Variants in ATP10A observed in about 807,000 individuals in gnomAD.
ATP10A encodes the protein ATPase phospholipid transporting 10A (putative).
In ATP10A, 111 loss-of-function variants were observed where a neutral mutation model predicts 147.8. The ratio of observed to expected loss-of-function variants is 0.75; its 90% confidence interval spans 0.64 to 0.88. The LOEUF (loss-of-function observed/expected upper bound fraction) is 0.88. ATP10A is among the 40% of genes least tolerant of loss of function. The pLI, the probability that ATP10A is intolerant of heterozygous loss-of-function variation, is 0.00. For synonymous variants in ATP10A, 875 were observed against 841.6 expected (o/e 1.04, Z -0.69); for missense variants, 1,927 against 1,959.0 (o/e 0.98, Z 0.31).
intron 12 of ATP10A, 118 bp downstream of exon 12, chr15:25,707,858 G>A: frequency 7.1e-7 from 1 of 1,399,074 alleles, no homozygotes; most frequent in Non-Finnish European, 9.7e-7. Context: ...GTCCTGCCAG[G>A]TGGCTCCCTA....
Position 25,691,645 on chromosome 15 carries a change from C to G in ATP10A, c.3165+70G>C, listed in dbSNP as rs542432871. On this transcript the variant is annotated intron_variant, in intron 15 of 20. Coordinates refer to ENST00000555815, the MANE Select transcript of ATP10A (RefSeq NM_024490.4). ...AGAGCCCAGAGGAAGTCGGGGACAG[C>G]CCACAGGGTGACAGGACAAGAGGTC... 48 of 1,522,072 alleles carry G rather than the reference C, an allele frequency of 3.2e-5. 1 individual carries two copies. The South Asian group carries it at 5.4e-4, about 17-fold the overall frequency. 94.3% of individuals were successfully genotyped at this position (1,522,072 alleles called of 1,614,324 possible). A position where few individuals can be genotyped will look rare whatever the true frequency, so the allele number is the denominator to read the frequency against.
upstream of ATP10A, among the ~76,000 whole-genome samples, chr15:25,864,728 T>C (rs1304813941): frequency 6.6e-6 from 1 of 152,162 alleles, no homozygotes; most frequent in South Asian, 2.1e-4. Context: ...GAGTCAGGTC[T>C]CACAGTCAAC....
At chr15:25,831,491 A>G (rs1201358853) in intron 1 of ATP10A, among the ~76,000 whole-genome samples, 1 of 152,204 alleles carries the variant, frequency 6.6e-6, no homozygotes, top group African/African-American at 2.4e-5. Flanking sequence ...CTTTTTGTGG[A>G]GTGTAAATGA....
chr15:25,721,517 C>T (rs8043353), intron 7 of ATP10A, 140 bp downstream of exon 7: 1,231,551 of 1,235,398 alleles, frequency 1, 613,960 homozygotes, highest in East Asian at 1. Flanking sequence ...TCTTTATACT[C>T]CCTTGAAAAT....
intron 9 of ATP10A, among the ~76,000 whole-genome samples, chr15:25,715,775 A>G (rs1223031386): frequency 3.9e-5 from 6 of 152,042 alleles, no homozygotes; most frequent in Non-Finnish European, 5.9e-5. Flanking sequence ...CACCTTGTTC[A>G]CCCCACATCG....
chr15:25,696,163 C>T (rs967002528), intron 13 of ATP10A, among the ~76,000 whole-genome samples: 1 of 152,176 alleles, frequency 6.6e-6, no homozygotes, highest in Admixed American at 6.5e-5. Flanking sequence ...CCCTGCAACA[C>T]ACCACGGAAA....
chr15:25,792,561 G>C (rs536802559), intron 1 of ATP10A, among the ~76,000 whole-genome samples: 1 of 152,308 alleles, frequency 6.6e-6, no homozygotes, highest in African/African-American at 2.4e-5. Context: ...CCCTGCAAAT[G>C]CTCCCGGGGG....
At chr15:25,756,913 T>A (rs1888444697) in intron 2 of ATP10A, among the ~76,000 whole-genome samples, 1 of 152,224 alleles carries the variant, frequency 6.6e-6, no homozygotes, top group South Asian at 2.1e-4. Context: ...AAACTTGAGA[T>A]GATGGCTAGT....
chr15:25,766,903 TAA>T (rs778348104), intron 2 of ATP10A, among the ~76,000 whole-genome samples: 9 of 110,582 alleles, frequency 8.1e-5, no homozygotes, highest in Admixed American at 1.9e-4. Flanking sequence ...GAACTGTTTC[TAA>T]AAAAAAAAAA....
chr15:25,680,999 A>G lies in ATP10A; in HGVS notation c.3568T>C (p.Tyr1190His). 4 of 1,614,116 alleles carry G rather than the reference A, an allele frequency of 2.5e-6. No homozygotes were observed. Among genetic ancestry groups the G allele is most frequent in the Middle Eastern group, 1.6e-4 (1 of 6,062 alleles). The part of the protein sequence containing the change: ...FQSLVCFSIP[Y>H]LAYYDSNVDL... Reference sequence around the variant, plus strand: ...GCACCCAGGGGCCAACTTACCAGGTAAGGAATGGAAAAGCAAACCAGGCTC... The same window carrying G: ...GCACCCAGGGGCCAACTTACCAGGTGAGGAATGGAAAAGCAAACCAGGCTC... The change falls in exon 18 of 21, where the codon TAC becomes CAC. Residue 1190 changes from tyrosine to histidine, a missense_variant. Tyr to His is a moderately conservative substitution (Grantham distance 83, BLOSUM62 2). Coordinates refer to ENST00000555815, the MANE Select transcript of ATP10A (RefSeq NM_024490.4).
intron 2 of ATP10A, among the ~76,000 whole-genome samples, chr15:25,762,063 T>A (rs919482743): frequency 2.0e-5 from 3 of 152,112 alleles, no homozygotes; most frequent in Admixed American, 6.6e-5. Context: ...CAGGGGTCGG[T>A]TCCCCCCATG....
At chr15:25,743,856 A>G (rs1210297546) in intron 2 of ATP10A, among the ~76,000 whole-genome samples, 1 of 152,126 alleles carries the variant, frequency 6.6e-6, no homozygotes, top group Non-Finnish European at 1.5e-5. Context: ...TAAAGTCATC[A>G]GTGTGCGGGG....
intron 3 of ATP10A, among the ~76,000 whole-genome samples, chr15:25,731,914 G>A (rs1886959343): frequency 6.6e-6 from 1 of 152,086 alleles, no homozygotes. Flanking sequence ...GGAGTGCAGT[G>A]GTGTGATCAT....
intron 6 of ATP10A, 93 bp from the exon 7 acceptor site, chr15:25,722,002 C>A: frequency 7.3e-7 from 1 of 1,375,492 alleles, no homozygotes; most frequent in Non-Finnish European, 1.0e-6. Context: ...TGACTACAAC[C>A]GCAAGAAAGT....
intron 13 of ATP10A, among the ~76,000 whole-genome samples, chr15:25,701,008 C>A (rs775158941): frequency 1.3e-5 from 2 of 151,560 alleles, no homozygotes; most frequent in Non-Finnish European, 2.9e-5. Flanking sequence ...AAGGGGGTGC[C>A]CCGGCCAGCG....
intron 2 of ATP10A, among the ~76,000 whole-genome samples, chr15:25,741,648 T>C (rs7182019): frequency 0.45 from 68,164 of 152,020 alleles, 15,591 homozygotes; most frequent in East Asian, 0.61. Context: ...TACCACTTGA[T>C]GGTCAGTGCT....
At chr15:25,698,368 A>G (rs377752357) in intron 13 of ATP10A, among the ~76,000 whole-genome samples, 2 of 152,210 alleles carry the variant, frequency 1.3e-5, no homozygotes, top group African/African-American at 2.4e-5. Context: ...AGAGTCAGTG[A>G]AGATCCGCTT....
intron 1 of ATP10A, among the ~76,000 whole-genome samples, chr15:25,824,414 C>G (rs1892019570): frequency 1.3e-5 from 2 of 149,122 alleles, no homozygotes; most frequent in South Asian, 4.2e-4. Context: ...GTTGAGGCTA[C>G]AGAGAGCTGT....
In ATP10A at chr15:25,737,196, G is replaced by T. The variant is rs985217236; in HGVS notation, c.655-1055C>A. On this transcript the variant is annotated intron_variant, in intron 2 of 20. Transcript: ENST00000555815. Reference sequence around the variant, plus strand: ...TTAGCCATCAGTCTCTCTTCTCCTTGGACTGAAATGGCCTCTCGCTCTATT... The same window carrying T: ...TTAGCCATCAGTCTCTCTTCTCCTTTGACTGAAATGGCCTCTCGCTCTATT... Among the ~76,000 whole-genome samples, 5 of 152,290 alleles carry T rather than the reference G, an allele frequency of 3.3e-5. No homozygotes were observed. In the East Asian group the frequency reaches 7.7e-4, roughly 24 times the overall value.
Sources: gnomAD v4.1 joint callset for allele counts (sites outside exome capture counted in the v4.1 genomes callset) on GRCh38, gnomAD v4.1.1 for gene constraint, MANE v1.5 for transcripts, NCBI Gene and HGNC (gene_info 2026-07-23, HGNC 2026-07-21) for gene names.